DNASE1: variants seen among roughly 807,000 people sequenced by gnomAD.
DNASE1 encodes deoxyribonuclease-1.
Under a neutral mutation model 33.9 loss-of-function variants are expected in DNASE1, and 40 were observed. That is an observed-to-expected ratio of 1.18 (90% confidence interval 0.92 to 1.54). DNASE1 has a LOEUF of 1.54. DNASE1 is among the 40% of genes most tolerant of loss of function. The pLI, the probability that DNASE1 is intolerant of heterozygous loss-of-function variation, is 0.00. For missense variants in DNASE1, 518 were observed against 372.6 expected (o/e 1.39, Z -3.21); for synonymous variants, 216 against 160.0 (o/e 1.35, Z -2.64).
rs1253212563 is a variant in DNASE1 at position 3,654,920 on chromosome 16, A to AG, written c.-125dup. 7 of 453,386 alleles carry AG rather than the reference A, an allele frequency of 1.5e-5. No individual in the cohort carries two copies. The highest frequency in any genetic ancestry group is 2.7e-5 in the Non-Finnish European group (7 of 259,640). 28.1% of individuals were successfully genotyped at this position (453,386 alleles called of 1,614,324 possible). A position where few individuals can be genotyped will look rare whatever the true frequency, so the allele number is the denominator to read the frequency against. ...TGCCAGGGCCTTGAAGTGCTTCTTC[A>AG]GAGACCTTTCTTCATAGACTACTTT... On this transcript the variant is annotated 5_prime_UTR_variant, in exon 1 of 9. Transcript: ENST00000246949.
upstream of DNASE1, chr16:3,640,719 C>T (rs2042005630): frequency 1.8e-5 from 7 of 398,436 alleles, no homozygotes; most frequent in Non-Finnish European, 2.7e-5. Context: ...TTTTAGTGAC[C>T]ACAATATGAA....
chr16:3,655,067 C>G (rs1417402776), intron 1 of DNASE1, 23 bp downstream of exon 1: 8 of 587,082 alleles, frequency 1.4e-5, no homozygotes, highest in Non-Finnish European at 2.4e-5. Flanking sequence ...TGGAGTGCCT[C>G]TGGGTGACTG....
intron 1 of DNASE1, among the ~76,000 whole-genome samples, chr16:3,637,240 C>T (rs1425901360): frequency 6.6e-6 from 1 of 152,184 alleles, no homozygotes; most frequent in Non-Finnish European, 1.5e-5. Context: ...CTATAGGTGT[C>T]AGAACTAAAA....
chr16:3,647,427 C>A lies in DNASE1; in HGVS notation c.-86+4391C>A, dbSNP rs115828913. On this transcript the variant is annotated intron_variant, in intron 1 of 9. Transcript: ENST00000407479. The stretch of plus-strand genomic sequence containing the variant: ...TAGCTGGGACTACAGATGTGTGCCT[C>A]CATGCCTGGCTAACTTTTTAATTTT... Among the ~76,000 whole-genome samples, 753 of 152,176 alleles carry A rather than the reference C, an allele frequency of 4.9e-3. 7 individuals are homozygous for A. Among genetic ancestry groups the A allele is most frequent in the African/African-American group, 0.017 (710 of 41,498 alleles).
At chr16:3,657,870 A>G (rs769132912) in intron 8 of DNASE1, 36 bp from the exon 9 acceptor site, 1 of 1,614,024 alleles carries the variant, frequency 6.2e-7, no homozygotes, top group Admixed American at 1.7e-5. Context: ...GAGCTCAGGT[A>G]GGCTCAGCCC....
At chr16:3,615,992 G>A (rs1007987809) in intron 1 of DNASE1, among the ~76,000 whole-genome samples, 1 of 152,192 alleles carries the variant, frequency 6.6e-6, no homozygotes, top group African/African-American at 2.4e-5. Flanking sequence ...GGAAAGAATT[G>A]TCTCCTGAGT....
At chr16:3,619,015 T>C (rs552879737) in intron 1 of DNASE1, among the ~76,000 whole-genome samples, 4 of 151,960 alleles carry the variant, frequency 2.6e-5, no homozygotes, top group African/African-American at 9.7e-5. Flanking sequence ...TACCTGTAGC[T>C]AGAGCTAGAA....
At chr16:3,621,171 G>A (rs1938911071) in intron 1 of DNASE1, among the ~76,000 whole-genome samples, 1 of 152,022 alleles carries the variant, frequency 6.6e-6, no homozygotes, top group South Asian at 2.1e-4. Context: ...GCATAGACTC[G>A]AACTCTTGGG....
At position 3,657,347 on chromosome 16, in the gene DNASE1, CAGGGCCTCGCGCTT is replaced by C. The variant is rs913699914; in HGVS notation, c.704+12_704+25del. On this transcript the variant is annotated splice_region_variant and intron_variant, in intron 7 of 8. Transcript: ENST00000246949. ...ACGCACTGTGCCTATGACAGGTGAG[CAGGGCCTCGCGCTT>C]AGGGCAGACTGAGGGCACCTCCAAG... 2 of 1,612,198 alleles carry C rather than the reference CAGGGCCTCGCGCTT, an allele frequency of 1.2e-6. No individual in the cohort carries two copies. Among genetic ancestry groups the C allele is most frequent in the Non-Finnish European group, 1.7e-6 (2 of 1,179,908 alleles).
upstream of DNASE1, among the ~76,000 whole-genome samples, chr16:3,640,039 GC>G (rs1385656173): frequency 1.3e-5 from 2 of 152,228 alleles, no homozygotes; most frequent in African/African-American, 2.4e-5. Context: ...GTCCAGTGCT[GC>G]TTTAGTCTGC....
Position 3,657,000 on chromosome 16 carries a change from G to A in DNASE1, c.438G>A (p.Glu146=). ...AIVRFFSRFT[E]VREFAIVPLH... ...CACACGACGTGGCTGTCTCCACAGA[G>A]GTCAGGGAGTTTGCCATTGTTCCCC... is the stretch of plus-strand genomic sequence containing the variant. The change falls in exon 6 of 9, where the codon GAG becomes GAA. Residue 146 remains glutamate, a splice_region_variant and synonymous_variant. Transcript: ENST00000246949. 1 of 1,613,566 alleles carries A rather than the reference G, an allele frequency of 6.2e-7. No individual in the cohort carries two copies. Among genetic ancestry groups the A allele is most frequent in the Non-Finnish European group, 8.5e-7 (1 of 1,179,900 alleles).
At chr16:3,640,995 C>T, upstream of DNASE1, 1 of 398,730 alleles carries the variant, frequency 2.5e-6, no homozygotes, top group Non-Finnish European at 4.4e-6. Context: ...CCCAACAGGG[C>T]CACTCGGATG....
At chr16:3,657,611 C>T (rs2042766855) in intron 7 of DNASE1, 109 bp from the exon 8 acceptor site, 3 of 1,484,504 alleles carry the variant, frequency 2.0e-6, no homozygotes, top group Non-Finnish European at 2.8e-6. Flanking sequence ...TTTGGGCACC[C>T]ACAGACCTGC....
chr16:3,658,263 G>C, downstream of DNASE1: 2 of 1,534,228 alleles, frequency 1.3e-6, no homozygotes, highest in Non-Finnish European at 1.8e-6. Flanking sequence ...CATTATGAGG[G>C]GCATGGGGCA....
downstream of DNASE1, chr16:3,659,557 T>C (rs2042943687): frequency 6.6e-6 from 1 of 152,200 alleles, no homozygotes; most frequent in South Asian, 2.1e-4. Flanking sequence ...AAAAGCATCA[T>C]GTAGTATTTA....
At chr16:3,622,061 A>C (rs2041335739) in intron 1 of DNASE1, among the ~76,000 whole-genome samples, 1 of 152,074 alleles carries the variant, frequency 6.6e-6, no homozygotes, top group African/African-American at 2.4e-5. Flanking sequence ...TCTTTACTAA[A>C]AATATAACAT....
chr16:3,654,102 C>A (rs1304253091), upstream of DNASE1: 2 of 305,754 alleles, frequency 6.5e-6, no homozygotes, highest in African/African-American at 2.1e-5. Flanking sequence ...CAGTGTGAGA[C>A]CCTGTCTCAA....
At chr16:3,663,547 C>G (rs2050742083) in exon 10 of DNASE1, 3 of 1,614,000 alleles carry the variant, frequency 1.9e-6, no homozygotes, top group Non-Finnish European at 2.5e-6. Context: ...TCAAACTGCT[C>G]AAAGCAGAAG....
chr16:3,663,685 G>C, exon 10 of DNASE1: 2 of 1,280,034 alleles, frequency 1.6e-6, no homozygotes, highest in Non-Finnish European at 2.1e-6. Context: ...CACCGGGGCA[G>C]TTGGGGTTCC....
Sources: allele counts gnomAD v4.1 joint callset (sites outside exome capture counted in the v4.1 genomes callset), GRCh38; gene constraint gnomAD v4.1.1; transcripts MANE v1.5; gene names NCBI Gene and HGNC (gene_info 2026-07-23, HGNC 2026-07-21).